The following TLN2 variants were observed in gnomAD, a reference collection of about 807,000 sequenced individuals.
TLN2 encodes talin-2.
Under a neutral mutation model 294.7 loss-of-function variants are expected in TLN2, and 118 were observed. The ratio of observed to expected loss-of-function variants is 0.40; its 90% CI spans 0.34 to 0.47. The LOEUF (loss-of-function observed/expected upper bound fraction) is 0.47, where lower values mean the gene tolerates loss of function less well. Ranked by LOEUF, TLN2 falls within the 20% of genes least tolerant of loss-of-function variation. The pLI is 0.84. For missense variants in TLN2, 3,083 were observed against 3,282.2 expected (o/e 0.94, Z 1.48); for synonymous variants, 1,431 against 1,304.5 (o/e 1.10, Z -2.09).
At chr15:62,527,385 G>A (rs11071673) in intron 1 of TLN2, among the ~76,000 whole-genome samples, 79,636 of 151,938 alleles carry the variant, frequency 0.52, 21,875 homozygotes, top group African/African-American at 0.7. Context: ...TCAGGAAACC[G>A]TTAGCTGTAT....
intron 6 of TLN2, among the ~76,000 whole-genome samples, chr15:62,652,349 C>G (rs1184105993): frequency 6.6e-6 from 1 of 152,164 alleles, no homozygotes; most frequent in Non-Finnish European, 1.5e-5. Flanking sequence ...GCTTTCATTT[C>G]CCTCTCCAAA....
At chr15:62,739,812 G>A (rs2061222205) in intron 31 of TLN2, among the ~76,000 whole-genome samples, 1 of 152,178 alleles carries the variant, frequency 6.6e-6, no homozygotes, top group African/African-American at 2.4e-5. Context: ...ACTATTTGGA[G>A]GGAGGGTAGG....
chr15:62,450,575 CTGTGTG>C lies in TLN2; in HGVS notation c.-238+59900_-238+59905del, dbSNP rs1014388992. Among the ~76,000 whole-genome samples the C allele has an allele frequency of 1.8e-4, 18 of 98,022 alleles. No individual in the cohort carries two copies. In the Admixed American group the frequency reaches 2.0e-3, roughly 11 times the overall value. The allele number at this position is 98,022 out of a possible 152,430, so 64.3% of individuals were successfully genotyped here. On this transcript the variant is annotated intron_variant, in intron 1 of 58. Transcript: ENST00000636159. ...TGTGTGTGTGTGTGTGTGTGTGTGT[CTGTGTG>C]TGTGTGTGTTTGAGACAGGGTCTGA...
chr15:62,535,415 G>T (rs2041281193), intron 1 of TLN2, among the ~76,000 whole-genome samples: 1 of 151,952 alleles, frequency 6.6e-6, no homozygotes, highest in Non-Finnish European at 1.5e-5. Context: ...GATTGCTTGA[G>T]CCCAGGAATT....
At chr15:62,703,104 A>ATT (rs34852037) in intron 19 of TLN2, among the ~76,000 whole-genome samples, 26 of 140,908 alleles carry the variant, frequency 1.8e-4, no homozygotes, top group Admixed American at 2.8e-4. Context: ...AGCTTTCCTG[A>ATT]TTTTTTTTTT....
intron 1 of TLN2, among the ~76,000 whole-genome samples, chr15:62,470,901 T>G (rs915421679): frequency 1.3e-5 from 2 of 152,238 alleles, no homozygotes. Context: ...CTTATGTACA[T>G]TTTAAACGTA....
chr15:62,739,365 G>A lies in TLN2; in HGVS notation c.3705G>A (p.Lys1235=). The change falls in exon 31 of 59, where the codon AAG becomes AAA. Residue 1235 remains lysine, a synonymous_variant. Coordinates refer to ENST00000636159, the MANE Select transcript of TLN2 (RefSeq NM_015059.3). ...CCCCACAGCTACCTCCAAGCACGAA[G>A]CCTTTCCAGGAAGCCCAGAGTGAAC... The part of the protein sequence containing the change: ...LLVDSLPPST[K]PFQEAQSELN... 6.2e-7 allele frequency: 1 copy of A among 1,613,758 alleles called. No homozygotes were observed. Among genetic ancestry groups the A allele is most frequent in the Non-Finnish European group, 8.5e-7 (1 of 1,179,834 alleles).
At chr15:62,508,693 T>A (rs761124722) in intron 1 of TLN2, among the ~76,000 whole-genome samples, 3 of 152,234 alleles carry the variant, frequency 2.0e-5, no homozygotes, top group Non-Finnish European at 4.4e-5. Context: ...TTTTCATAAC[T>A]TAGGTAGCTG....
At chr15:62,557,515 A>G (rs2042674384) in intron 1 of TLN2, among the ~76,000 whole-genome samples, 1 of 152,230 alleles carries the variant, frequency 6.6e-6, no homozygotes, top group Admixed American at 6.5e-5. Flanking sequence ...CCAAAGGCTT[A>G]GAATGTAACC....
rs1385106155 is a variant in TLN2, at chr15:62,740,716, C to T, written c.3972C>T (p.Leu1324=). Residue 1324 remains leucine, a synonymous_variant, in exon 32 of 59, where the codon CTC becomes CTT. Coordinates refer to ENST00000636159, the MANE Select transcript of TLN2 (RefSeq NM_015059.3). ...AGCTGCTGTTAGCTGCCAAGTCTCT[C>T]TCTGTAGATCCAGGAGCTCCCAATG... The part of the protein sequence containing the change: ...SSKLLLAAKS[L]SVDPGAPNAK... 6.2e-7 allele frequency: 1 copy of T among 1,614,098 alleles called. No homozygotes were observed. Among genetic ancestry groups the T allele is most frequent in the Admixed American group, 1.7e-5 (1 of 60,008 alleles).
chr15:62,717,377 A>C (rs1271489266), intron 23 of TLN2, among the ~76,000 whole-genome samples, 199 bp from the exon 24 acceptor site: 1 of 152,186 alleles, frequency 6.6e-6, no homozygotes, highest in East Asian at 1.9e-4. Context: ...TGTCTTTGTC[A>C]CTTGTCTCAG....
Position 62,783,803 on chromosome 15 carries a change from G to A in TLN2, c.5649G>A (p.Leu1883=), listed in dbSNP as rs761397519. 9.3e-6 allele frequency: 15 copies of A among 1,610,526 alleles called. No homozygotes were observed. The South Asian group carries it at 1.5e-4, about 17-fold the overall frequency. ...MTKSVTNPEE[L]GGLASQMTSD... ...AGTCGGTTACTAACCCGGAGGAGTT[G>A]GGAGGACTGGCTTCACAAATGACCA... The change falls in exon 45 of 59, where the codon TTG becomes TTA. Residue 1883 remains leucine, a synonymous_variant. Transcript: ENST00000636159.
At chr15:62,815,132 T>C (rs1283551815) in intron 52 of TLN2, among the ~76,000 whole-genome samples, 5 of 151,498 alleles carry the variant, frequency 3.3e-5, no homozygotes, top group Non-Finnish European at 7.4e-5. Flanking sequence ...TTGCAGGTGA[T>C]AGATTTAAAA....
At chr15:62,739,129 T>C (rs2061182153) in intron 30 of TLN2, among the ~76,000 whole-genome samples, 1 of 152,196 alleles carries the variant, frequency 6.6e-6, no homozygotes, top group Non-Finnish European at 1.5e-5. Flanking sequence ...CCACAGTGTC[T>C]AGCACTGAGC....
rs531776528 is a variant in TLN2, at chr15:62,727,341, G to A, written c.3358+152G>A. The A allele has an allele frequency of 1.0e-5, 7 of 671,240 alleles. No homozygotes were observed. The East Asian group carries it at 1.2e-4, about 11-fold the overall frequency. 41.6% of individuals were successfully genotyped at this position (671,240 alleles called of 1,614,324 possible). ...TTTCAAGCACCATGTGCTTGTTACC[G>A]GGCTTGATACTAAGCACACAAAGAC... On this transcript the variant is annotated intron_variant, in intron 28 of 58. Transcript: ENST00000636159.
At chr15:62,672,371 T>G (rs758342507) in intron 9 of TLN2, among the ~76,000 whole-genome samples, 6 of 152,152 alleles carry the variant, frequency 3.9e-5, no homozygotes, top group Non-Finnish European at 8.8e-5. Flanking sequence ...TTTAACTTAC[T>G]GTGGTCATCC....
At chr15:62,713,859 C>T (rs1436531578) in intron 22 of TLN2, among the ~76,000 whole-genome samples, 2 of 147,930 alleles carry the variant, frequency 1.4e-5, no homozygotes, top group East Asian at 2.0e-4. Flanking sequence ...ATCCCTGTTT[C>T]AGCCAATAAG....
chr15:62,431,960 G>A (rs1203935925), intron 1 of TLN2, among the ~76,000 whole-genome samples: 1 of 152,082 alleles, frequency 6.6e-6, no homozygotes, highest in African/African-American at 2.4e-5. Context: ...CTCTTGCTCT[G>A]GGTTAATGGG....
intron 11 of TLN2, among the ~76,000 whole-genome samples, chr15:62,681,954 T>C (rs1596684873): frequency 6.6e-6 from 1 of 152,282 alleles, no homozygotes; most frequent in South Asian, 2.1e-4. Context: ...CGGGTCTCCT[T>C]ATGTTGCTCA....
Sources: gnomAD v4.1 joint callset for allele counts (sites outside exome capture counted in the v4.1 genomes callset) on GRCh38, gnomAD v4.1.1 for gene constraint, MANE v1.5 for transcripts, NCBI Gene and HGNC (gene_info 2026-07-23, HGNC 2026-07-21) for gene names.